The following NEK11 variants were observed in gnomAD, a reference collection of about 807,000 sequenced individuals.
The protein encoded by NEK11 is serine/threonine-protein kinase Nek11.
NEK11 carries 72 observed loss-of-function variants against 80.7 expected under a neutral mutation model. That is an observed-to-expected ratio of 0.89 (90% CI 0.74 to 1.08). NEK11 has a LOEUF of 1.08. NEK11 is among the 50% of genes least tolerant of loss of function. NEK11 has a pLI of 0.00. For missense variants in NEK11, 764 were observed against 763.6 expected (o/e 1.00, Z -0.01); for synonymous variants, 251 against 260.7 (o/e 0.96, Z 0.36).
At chr3:131,179,629 G>T (rs1049134845) in intron 14 of NEK11, among the ~76,000 whole-genome samples, 12 of 152,216 alleles carry the variant, frequency 7.9e-5, no homozygotes, top group Admixed American at 7.8e-4. Context: ...ACTCCTAATA[G>T]TTCAACATTC....
Position 131,133,947 on chromosome 3 carries a change from C to A in NEK11, c.638C>A (p.Ser213Ter), listed in dbSNP as rs55920129. 1 of 1,608,706 alleles carries A rather than the reference C, an allele frequency of 6.2e-7. No homozygotes were observed. Among genetic ancestry groups the A allele is most frequent in the Non-Finnish European group, 8.5e-7 (1 of 1,177,134 alleles). ...ALKHQGYDTK[S>*]DIWSLACILY... is the part of the protein sequence containing the mutation. ...AAACACCAAGGCTATGACACAAAGT[C>A]GGACATCTGGTGAGTGGGCTAGTGG... The change falls in exon 7 of 18, where the codon TCG (serine) becomes TAG (stop). Residue 213 changes from serine (S) to a stop codon, truncating the protein, a stop_gained. Coordinates refer to ENST00000383366, the MANE Select transcript of NEK11 (RefSeq NM_024800.5). LOFTEE classifies it high-confidence loss of function.
intron 17 of NEK11, among the ~76,000 whole-genome samples, chr3:131,305,048 C>T (rs1337389924): frequency 6.6e-6 from 1 of 151,432 alleles, no homozygotes; most frequent in Non-Finnish European, 1.5e-5. Context: ...GAGGGATTTC[C>T]AACATCTGTG....
At chr3:131,198,200 T>C (rs1310856766) in intron 14 of NEK11, among the ~76,000 whole-genome samples, 1 of 152,194 alleles carries the variant, frequency 6.6e-6, no homozygotes, top group East Asian at 1.9e-4. Context: ...AGTATTCCAT[T>C]ATCACTGACC....
At chr3:131,337,965 C>T (rs546636278) in intron 17 of NEK11, among the ~76,000 whole-genome samples, 96 of 151,682 alleles carry the variant, frequency 6.3e-4, no homozygotes, top group Admixed American at 2.5e-3. Flanking sequence ...TTTTTTGAAA[C>T]GGAGTCTTGC....
chr3:131,153,297 C>T (rs1232163804), intron 9 of NEK11, among the ~76,000 whole-genome samples: 1 of 152,140 alleles, frequency 6.6e-6, no homozygotes, highest in Non-Finnish European at 1.5e-5. Flanking sequence ...CCTGCAAGGA[C>T]AAGAATATGC....
At chr3:131,215,029 T>A (rs1263152156) in intron 14 of NEK11, among the ~76,000 whole-genome samples, 1 of 152,130 alleles carries the variant, frequency 6.6e-6, no homozygotes, top group African/African-American at 2.4e-5. Context: ...AAAGAAAGCA[T>A]CATGGCAAAC....
chr3:131,189,258 G>C (rs1010274603), intron 14 of NEK11, among the ~76,000 whole-genome samples: 2 of 152,156 alleles, frequency 1.3e-5, no homozygotes, highest in Non-Finnish European at 2.9e-5. Flanking sequence ...CACCAAATTT[G>C]TGGGACTTCA....
chr3:131,047,767 G>T (rs964507890), intron 3 of NEK11, among the ~76,000 whole-genome samples: 1 of 152,184 alleles, frequency 6.6e-6, no homozygotes, highest in South Asian at 2.1e-4. Context: ...CAGCCAGAAG[G>T]TGGCGCTTTC....
chr3:131,167,690 G>A (rs1331994292), intron 12 of NEK11, among the ~76,000 whole-genome samples: 5 of 152,100 alleles, frequency 3.3e-5, no homozygotes, highest in African/African-American at 1.2e-4. Context: ...CACAGAACAT[G>A]GGAGCTAGAC....
In NEK11 at chr3:131,235,838, C is replaced by T. The variant is rs865851084; in HGVS notation, c.1560+7150C>T. ...GCTGGGGTTTAAACCAGCAAATATT[C>T]GTTGTACCAACTATTAGGAATTTGG... On this transcript the variant is annotated intron_variant, in intron 15 of 17. Coordinates refer to ENST00000383366, the MANE Select transcript of NEK11 (RefSeq NM_024800.5). Among the ~76,000 whole-genome samples the T allele has an allele frequency of 1.2e-4, 18 of 152,240 alleles. 1 individual carries two copies. In the Middle Eastern group the frequency reaches 0.01, roughly 86 times the overall value.
At chr3:131,206,506 G>A (rs528372497) in intron 14 of NEK11, among the ~76,000 whole-genome samples, 34 of 152,156 alleles carry the variant, frequency 2.2e-4, no homozygotes, top group South Asian at 8.3e-4. Flanking sequence ...TATTAGAATC[G>A]TTAGGGTTCA....
intron 12 of NEK11, 108 bp downstream of exon 12, chr3:131,165,627 T>A: frequency 1.5e-6 from 1 of 676,872 alleles, no homozygotes. Flanking sequence ...AACATCCAGA[T>A]TAACTTCACC....
rs185303123 is a variant in NEK11 at position 131,308,649 on chromosome 3, G to T, written c.1718+35075G>T. ...CATGTCCCATTCTACTCTGAACTAGGATAATCTATTCTTTGTAACAGAGTC... is the reference window on the plus strand; with the variant it reads ...CATGTCCCATTCTACTCTGAACTAGTATAATCTATTCTTTGTAACAGAGTC... On this transcript the variant is annotated intron_variant, in intron 17 of 17. Coordinates refer to ENST00000383366, the MANE Select transcript of NEK11 (RefSeq NM_024800.5). 2.6e-5 allele frequency among the ~76,000 whole-genome samples: 4 copies of T among 152,190 alleles called. No individual in the cohort carries two copies. The East Asian group carries it at 7.7e-4, about 29-fold the overall frequency.
At chr3:131,272,203 A>G (rs1337714041) in intron 16 of NEK11, among the ~76,000 whole-genome samples, 2 of 152,186 alleles carry the variant, frequency 1.3e-5, no homozygotes, top group African/African-American at 4.8e-5. Context: ...TATATGAGAT[A>G]TGTTGAGAAA....
intron 3 of NEK11, among the ~76,000 whole-genome samples, chr3:131,062,958 A>G (rs1329663326): frequency 6.6e-6 from 1 of 152,252 alleles, no homozygotes; most frequent in Admixed American, 6.5e-5. Context: ...GTGTTGGCCC[A>G]GCTGATGAAG....
At chr3:131,156,955 A>G (rs2090763296) in intron 10 of NEK11, among the ~76,000 whole-genome samples, 1 of 152,120 alleles carries the variant, frequency 6.6e-6, no homozygotes, top group South Asian at 2.1e-4. Context: ...CACAAAAAAA[A>G]AAAAAAAGTC....
chr3:131,108,846 TC>T (rs2079608843), intron 4 of NEK11, among the ~76,000 whole-genome samples: 1 of 152,054 alleles, frequency 6.6e-6, no homozygotes, highest in Non-Finnish European at 1.5e-5. Flanking sequence ...AATTCAGTCA[TC>T]CCAATGCGCA....
At chr3:131,221,462 G>A (rs2095023185) in intron 14 of NEK11, among the ~76,000 whole-genome samples, 1 of 152,076 alleles carries the variant, frequency 6.6e-6, no homozygotes, top group Non-Finnish European at 1.5e-5. Flanking sequence ...TGTTGTTCTT[G>A]CTATTCTGGG....
chr3:131,093,789 T>C (rs2077067415), intron 4 of NEK11, among the ~76,000 whole-genome samples: 1 of 152,108 alleles, frequency 6.6e-6, no homozygotes, highest in South Asian at 2.1e-4. Flanking sequence ...TCTAAGATCA[T>C]ATAGGGATTC....
Sources: gnomAD v4.1 joint callset for allele counts (sites outside exome capture counted in the v4.1 genomes callset) on GRCh38, gnomAD v4.1.1 for gene constraint, MANE v1.5 for transcripts, NCBI Gene and HGNC (gene_info 2026-07-23, HGNC 2026-07-21) for gene names.